MYH9: variants seen among roughly 807,000 people sequenced by gnomAD.
The protein encoded by MYH9 is myosin heavy chain 9.
MYH9 carries 29 observed loss-of-function variants against 241.9 expected under a neutral mutation model. The ratio of observed to expected loss-of-function variants is 0.12; its 90% CI spans 0.09 to 0.16. The LOEUF (loss-of-function observed/expected upper bound fraction) is 0.16. MYH9 is among the 10% of genes least tolerant of loss of function. The pLI is 1.00. For synonymous variants in MYH9, 1,047 were observed against 1,062.6 expected, an observed-to-expected ratio of 0.99 and a Z score of 0.29; for missense variants, 1,803 against 2,595.5, an observed-to-expected ratio of 0.69 and a Z score of 6.63.
rs186241900 is a variant in MYH9, at chr22:36,383,719, A to G, written c.-20+4088T>C. 5.3e-5 allele frequency among the ~76,000 whole-genome samples: 8 copies of G among 149,718 alleles called. No individual in the cohort carries two copies. In the Admixed American group the frequency reaches 5.4e-4, roughly 10 times the overall value. On this transcript the variant is annotated intron_variant, in intron 1 of 40. Coordinates refer to ENST00000216181, the MANE Select transcript of MYH9 (RefSeq NM_002473.6). ...ACGCCTGTAATCCTAACACTTTGGG[A>G]GGCTGAGGCGGGTAGATCACCTGAG...
intron 1 of MYH9, among the ~76,000 whole-genome samples, chr22:36,368,610 C>G (rs1195843494): frequency 6.6e-6 from 1 of 152,202 alleles, no homozygotes; most frequent in East Asian, 1.9e-4. Flanking sequence ...CTGTCTGCTA[C>G]CAATCCCCTC....
intron 20 of MYH9, 158 bp downstream of exon 20, chr22:36,302,410 G>C (rs1009520526): frequency 1.6e-6 from 1 of 636,160 alleles, no homozygotes; most frequent in Non-Finnish European, 2.8e-6. Context: ...CACTTTGGGA[G>C]GCTGAGGTAG....
At chr22:36,319,023 A>G (rs926657725) in intron 10 of MYH9, among the ~76,000 whole-genome samples, 8 of 152,226 alleles carry the variant, frequency 5.3e-5, no homozygotes, top group African/African-American at 1.9e-4. Flanking sequence ...CAGCCTCCCA[A>G]ACTGCTGGGA....
chr22:36,383,195 G>C (rs1357440008), intron 1 of MYH9, among the ~76,000 whole-genome samples: 1 of 152,160 alleles, frequency 6.6e-6, no homozygotes, highest in African/African-American at 2.4e-5. Context: ...ACTATAGCCT[G>C]GGCAACAGAG....
In MYH9 at chr22:36,285,947, C is replaced by A. The variant is rs1326861970; in HGVS notation, c.5068G>T (p.Ala1690Ser). 1 of 1,609,662 alleles carries A rather than the reference C, an allele frequency of 6.2e-7. No individual in the cohort carries two copies. The highest frequency in any genetic ancestry group is 1.1e-5 in the South Asian group (1 of 91,078). Residue 1690 changes from alanine (A) to serine (S), a missense_variant, in exon 36 of 41, where the codon GCA (alanine) becomes TCA (serine). Physicochemically the swap from Ala to Ser is moderately conservative, Grantham distance 99 (BLOSUM62 1). This residue lies in a region of MYH9 where 876 missense variants were observed against 1,077.8 expected (regional missense o/e 0.81). Coordinates refer to ENST00000216181, the MANE Select transcript of MYH9 (RefSeq NM_002473.6). The surrounding 1 kb of genome is among the most constrained non-coding windows in gnomAD (Gnocchi z 7.0). ...AEMIQLQEEL[A>S]AAERAKRQAQ... ...TGGCGCTTGGCACGCTCCGCGGCTG[C>A]CAGTTCCTGCCACAAAGACCCAGAG...
In MYH9 at chr22:36,320,653, C is replaced by CG; in HGVS notation, c.868+144dup. 1.3e-6 allele frequency: 1 copy of CG among 756,812 alleles called. No homozygotes were observed. Among genetic ancestry groups the CG allele is most frequent in the Non-Finnish European group, 2.2e-6 (1 of 446,108 alleles). The allele number at this position is 756,812 out of a possible 1,614,324, so 46.9% of individuals were successfully genotyped here. ...ACAGAAGACCAAGTCCTTAGGATGGCGCAGAGAACAGGAGTCACTCTCACT... is the reference window on the plus strand; with the variant it reads ...ACAGAAGACCAAGTCCTTAGGATGGCGGCAGAGAACAGGAGTCACTCTCACT... On this transcript the variant is annotated intron_variant, in intron 8 of 40. Coordinates refer to ENST00000216181, the MANE Select transcript of MYH9 (RefSeq NM_002473.6). This position sits in a 1 kb window ranked among gnomAD's most constrained non-coding sequence, Gnocchi z 4.8.
At chr22:36,294,399 A>C in intron 27 of MYH9, 101 bp from the exon 28 acceptor site, 1 of 1,303,522 alleles carries the variant, frequency 7.7e-7, no homozygotes, top group Non-Finnish European at 1.1e-6. Flanking sequence ...CTGCTTCTGC[A>C]GCCCTGACGA....
chr22:36,348,508 CAAA>C (rs11367901), intron 2 of MYH9, among the ~76,000 whole-genome samples: 3 of 132,982 alleles, frequency 2.3e-5, no homozygotes, highest in African/African-American at 2.8e-5. Flanking sequence ...GACTCCGTCT[CAAA>C]AAAAAAAAAA....
intron 14 of MYH9, among the ~76,000 whole-genome samples, chr22:36,311,540 T>C (rs911199596): frequency 6.6e-6 from 1 of 152,204 alleles, no homozygotes. Flanking sequence ...ATACCAGGAA[T>C]GCCGAGGTTG....
intron 1 of MYH9, among the ~76,000 whole-genome samples, chr22:36,354,944 A>C (rs1033832408): frequency 8.9e-6 from 1 of 112,302 alleles, no homozygotes; most frequent in Non-Finnish European, 2.0e-5. Context: ...AAAACAAAAA[A>C]ACAAAAAACA....
At chr22:36,341,632 C>T (rs776845570) in intron 2 of MYH9, 106 bp from the exon 3 acceptor site, 6 of 1,348,506 alleles carry the variant, frequency 4.4e-6, no homozygotes, top group Non-Finnish European at 6.2e-6. Flanking sequence ...CCTGAGTCAG[C>T]CTGATGTGAA....
intron 31 of MYH9, 137 bp from the exon 32 acceptor site, chr22:36,289,434 G>A (rs2016649808): frequency 2.6e-6 from 2 of 767,922 alleles, no homozygotes; most frequent in Non-Finnish European, 4.2e-6. Context: ...CACAGGCCCA[G>A]GGCTGTGCCC....
chr22:36,359,001 A>C (rs1480906754), intron 1 of MYH9, among the ~76,000 whole-genome samples: 2 of 151,778 alleles, frequency 1.3e-5, no homozygotes, highest in Admixed American at 6.6e-5. Flanking sequence ...GTCACACTAC[A>C]CTCTGCTCAG....
intron 1 of MYH9, among the ~76,000 whole-genome samples, chr22:36,350,757 G>A (rs537975555): frequency 1.3e-5 from 2 of 152,246 alleles, no homozygotes; most frequent in South Asian, 2.1e-4. Flanking sequence ...GCCTTTCCAC[G>A]ACTAACACCA....
chr22:36,292,679 G>C (rs1290961495), intron 30 of MYH9, among the ~76,000 whole-genome samples: 3 of 152,236 alleles, frequency 2.0e-5, no homozygotes, highest in African/African-American at 7.2e-5. Context: ...CCCATCCCGA[G>C]GTGGTTCAGG....
At chr22:36,374,062 C>T (rs1236053779) in intron 1 of MYH9, among the ~76,000 whole-genome samples, 1 of 151,408 alleles carries the variant, frequency 6.6e-6, no homozygotes, top group Admixed American at 6.6e-5. Flanking sequence ...CACACCCCCA[C>T]CTTATTTTTT....
chr22:36,363,938 C>T (rs1055393889), intron 1 of MYH9, among the ~76,000 whole-genome samples: 1 of 152,248 alleles, frequency 6.6e-6, no homozygotes, highest in African/African-American at 2.4e-5. Context: ...TATTCCTTCC[C>T]TTAGCTTCTG....
At chr22:36,383,224 C>G (rs943988909) in intron 1 of MYH9, among the ~76,000 whole-genome samples, 6 of 152,044 alleles carry the variant, frequency 3.9e-5, no homozygotes, top group Non-Finnish European at 8.8e-5. Context: ...TGCTTCAAAA[C>G]GAAATCAAAA....
chr22:36,282,416 C>A lies in MYH9; in HGVS notation c.*252G>T. The A allele has an allele frequency of 1.5e-5, 9 of 611,154 alleles. No homozygotes were observed. The South Asian group carries it at 1.5e-4, about 10-fold the overall frequency. 37.9% of individuals were successfully genotyped at this position (611,154 alleles called of 1,614,324 possible). On this transcript the variant is annotated 3_prime_UTR_variant, in exon 41 of 41. Transcript: ENST00000216181. ...TGAGGAGCCTGCTGGTCGCTCTCTG[C>A]CTGGGCCCGGGCCCTGTCTCTTTGG...
Sources: allele counts gnomAD v4.1 joint callset (sites outside exome capture counted in the v4.1 genomes callset), GRCh38; gene constraint gnomAD v4.1.1; regional missense constraint gnomAD v4.1.1; non-coding constraint Gnocchi (gnomAD v3.1); transcripts MANE v1.5; gene names NCBI Gene and HGNC (gene_info 2026-07-23, HGNC 2026-07-21).